ANGEL2: variants seen among roughly 807,000 people sequenced by gnomAD.
The protein encoded by ANGEL2 is angel homolog 2, also known as RNA 2',3'-cyclic phosphatase ANGEL2.
A neutral mutation model predicts 66.0 loss-of-function variants in ANGEL2; 41 were observed. That is an observed-to-expected ratio of 0.62 (90% CI 0.48 to 0.81). The LOEUF is 0.81. Among genes scored for constraint, ANGEL2 ranks in the 30% least tolerant of loss-of-function variants. The pLI, the probability that ANGEL2 is intolerant of heterozygous loss-of-function variation, is 0.00. For missense variants in ANGEL2, 561 were observed against 641.6 expected (o/e 0.87, Z 1.36); for synonymous variants, 208 against 226.5 (o/e 0.92, Z 0.73).
At chr1:213,002,556 G>T (rs2076205403) in intron 5 of ANGEL2, among the ~76,000 whole-genome samples, 1 of 152,180 alleles carries the variant, frequency 6.6e-6, no homozygotes, top group Non-Finnish European at 1.5e-5. Context: ...ACCAGGCACT[G>T]ACTTCTTCTT....
At chr1:213,008,851 G>A (rs144343236) in intron 2 of ANGEL2, among the ~76,000 whole-genome samples, 1 of 152,296 alleles carries the variant, frequency 6.6e-6, no homozygotes, top group East Asian at 1.9e-4. Context: ...TGTCAAAGTT[G>A]GCTTTTCAAT....
Position 213,005,131 on chromosome 1 carries a change from T to C in ANGEL2, c.1036A>G (p.Ile346Val), listed in dbSNP as rs200576994. Residue 346 changes from isoleucine (I) to valine (V), a missense_variant, in exon 5 of 9, where the codon ATT becomes GTT. By Grantham distance (29) the Ile-to-Val change is conservative. Coordinates refer to ENST00000366962, the MANE Select transcript of ANGEL2 (RefSeq NM_144567.5). ...GAATTAAAGTCACCACACATAACAA[T>C]AGGGCAGAAGCTGCCATCTTTCTGG... The part of the protein sequence containing the change: ...AHQKDGSFCP[I>V]VMCGDFNSVP... The C allele has an allele frequency of 8.4e-5, 136 of 1,614,086 alleles. 1 individual carries two copies. Among genetic ancestry groups the C allele is most frequent in the Middle Eastern group, 3.3e-4 (2 of 6,062 alleles).
In ANGEL2 at chr1:213,013,149, C is replaced by T; in HGVS notation, c.329G>A (p.Ser110Asn). 1.9e-6 allele frequency: 3 copies of T among 1,614,142 alleles called. No individual in the cohort carries two copies. The highest frequency in any genetic ancestry group is 2.5e-6 in the Non-Finnish European group (3 of 1,180,010). The change falls in exon 2 of 9, where the codon AGT (serine) becomes AAT (asparagine). Residue 110 changes from serine (S) to asparagine (N), a missense_variant. Ser to Asn is a conservative substitution (Grantham distance 46). Coordinates refer to ENST00000366962, the MANE Select transcript of ANGEL2 (RefSeq NM_144567.5). Reference protein sequence around the residue: ...LSQTSLIHLSSYVMNAEGDEP... With the variant: ...LSQTSLIHLSNYVMNAEGDEP... ...ATCTCCCTCAGCGTTCATGACGTAA[C>T]TAGAGAGATGAATCAAAGATGTCTG...
Position 212,993,719 on chromosome 1 carries a change from T to A in ANGEL2, c.*1322A>T, listed in dbSNP as rs185611491. 3.3e-5 allele frequency: 5 copies of A among 152,324 alleles called. No homozygotes were observed. Among genetic ancestry groups the A allele is most frequent in the Admixed American group, 3.3e-4 (5 of 15,298 alleles). 9.4% of individuals were successfully genotyped at this position (152,324 alleles called of 1,614,324 possible). ...CATAGAAAGTGTCAGCACCATCTCA[T>A]ACTGGTGCATCACGGTAAAAGAAAA... On this transcript the variant is annotated 3_prime_UTR_variant, in exon 9 of 9. Transcript: ENST00000366962.
chr1:213,011,262 G>A (rs2076501528), intron 2 of ANGEL2: 1 of 1,288,856 alleles, frequency 7.8e-7, no homozygotes, highest in Non-Finnish European at 1.0e-6. Context: ...ATGAATCAAA[G>A]AAAGTAAGCA....
At chr1:212,999,469 T>A (rs1004655834) in intron 7 of ANGEL2, among the ~76,000 whole-genome samples, 49 of 152,298 alleles carry the variant, frequency 3.2e-4, no homozygotes, top group Middle Eastern at 3.4e-3. Context: ...ATTTAAAAAA[T>A]TTTTTTAAAA....
chr1:213,015,863 T>A lies in ANGEL2; in HGVS notation c.-192A>T. ...CTCCATCTTGCGCAGTCAGAGTCCCTGAATGCCTTAACCCGGAATTCTGCT... is the reference window on the plus strand; with the variant it reads ...CTCCATCTTGCGCAGTCAGAGTCCCAGAATGCCTTAACCCGGAATTCTGCT... On this transcript the variant is annotated 5_prime_UTR_variant, in exon 1 of 9. Coordinates refer to ENST00000366962, the MANE Select transcript of ANGEL2 (RefSeq NM_144567.5). 1 of 653,602 alleles carries A rather than the reference T, an allele frequency of 1.5e-6. No individual in the cohort carries two copies. The highest frequency in any genetic ancestry group is 2.6e-6 in the Non-Finnish European group (1 of 387,618). The allele number at this position is 653,602 out of a possible 1,614,324, so 40.5% of individuals were successfully genotyped here.
intron 1 of ANGEL2, 170 bp downstream of exon 1, chr1:213,015,443 C>T (rs1258336514): frequency 1.1e-5 from 16 of 1,427,128 alleles, no homozygotes; most frequent in African/African-American, 1.4e-5. Flanking sequence ...GTTTACCTAT[C>T]CCGCTTGGTC....
Position 213,000,840 on chromosome 1 carries a change from T to C in ANGEL2, c.1207A>G (p.Ile403Val), listed in dbSNP as rs1558174166. The change falls in exon 6 of 9, where the codon ATC (isoleucine) becomes GTC (valine). Residue 403 changes from isoleucine to valine, a missense_variant. By Grantham distance (29) the Ile-to-Val change is conservative (BLOSUM62 3). Transcript: ENST00000366962. ...ACCTCATACACACAGTTCTGTGAGATACCTAGGTTTGGGGGCCAAATTGGA... is the reference window on the plus strand; with the variant it reads ...ACCTCATACACACAGTTCTGTGAGACACCTAGGTTTGGGGGCCAAATTGGA... ...SIPIWPPNLG[I>V]SQNCVYEVQQ... The C allele has an allele frequency of 1.9e-6, 3 of 1,613,008 alleles. No homozygotes were observed. Among genetic ancestry groups the C allele is most frequent in the South Asian group, 2.2e-5 (2 of 90,836 alleles).
At chr1:213,014,983 A>C (rs993684635) in intron 1 of ANGEL2, among the ~76,000 whole-genome samples, 4 of 152,242 alleles carry the variant, frequency 2.6e-5, no homozygotes, top group Non-Finnish European at 5.9e-5. Flanking sequence ...CTCTGCAGAC[A>C]CTGCTTAGGG....
Position 212,997,252 on chromosome 1 carries a change from A to C in ANGEL2, c.1386T>G (p.Thr462=). The C allele has an allele frequency of 6.2e-7, 1 of 1,613,706 alleles. No individual in the cohort carries two copies. The highest frequency in any genetic ancestry group is 8.5e-7 in the Non-Finnish European group (1 of 1,179,618). ...SSVYSHYFPD[T]GIPEVTTCHS... ...GACAGGTGGTCACTTCTGGAATTCCAGTGTCAGGAAAGTAATGTGAATAAA... is the reference window on the plus strand; with the variant it reads ...GACAGGTGGTCACTTCTGGAATTCCCGTGTCAGGAAAGTAATGTGAATAAA... The change falls in exon 8 of 9, where the codon ACT becomes ACG. Residue 462 remains threonine (T), a synonymous_variant. Transcript: ENST00000366962.
rs1429243376 is a variant in ANGEL2 at position 212,992,925 on chromosome 1, A to G, written c.*2116T>C. 6.6e-6 allele frequency: 1 copy of G among 152,212 alleles called. No individual in the cohort carries two copies. Among genetic ancestry groups the G allele is most frequent in the Non-Finnish European group, 1.5e-5 (1 of 68,042 alleles). The allele number at this position is 152,212 out of a possible 1,614,324, so 9.4% of individuals were successfully genotyped here. A position where few individuals can be genotyped will look rare whatever the true frequency, so the allele number is the denominator to read the frequency against. On this transcript the variant is annotated 3_prime_UTR_variant, in exon 9 of 9. Coordinates refer to ENST00000366962, the MANE Select transcript of ANGEL2 (RefSeq NM_144567.5). Reference sequence around the variant, plus strand: ...CTATCATTATAATTTGATAATGTCTATATCTGCTAATTAGGGCACATAATA... The same window carrying G: ...CTATCATTATAATTTGATAATGTCTGTATCTGCTAATTAGGGCACATAATA...
Position 212,999,369 on chromosome 1 carries a change from G to C in ANGEL2, c.1319+957C>G. On this transcript the variant is annotated intron_variant, in intron 7 of 8. Transcript: ENST00000366962. Reference sequence around the variant, plus strand: ...AAAAGATTTAAGAGTTACTCAAAACGAAGTACTTGTTAGATTAGCCTCCTT... The same window carrying C: ...AAAAGATTTAAGAGTTACTCAAAACCAAGTACTTGTTAGATTAGCCTCCTT... Among the ~76,000 whole-genome samples the C allele has an allele frequency of 2.6e-5, 4 of 152,206 alleles. No individual in the cohort carries two copies. The Middle Eastern group carries it at 0.014, about 518-fold the overall frequency.
chr1:213,006,337 G>A (rs540252827), intron 4 of ANGEL2, among the ~76,000 whole-genome samples: 4 of 152,072 alleles, frequency 2.6e-5, no homozygotes, highest in South Asian at 2.1e-4. Context: ...AGTGACGGAC[G>A]CCTGTAGTCC....
intron 2 of ANGEL2, 54 bp from the exon 3 acceptor site, chr1:213,008,520 G>C: frequency 1.9e-6 from 3 of 1,554,738 alleles, no homozygotes; most frequent in Non-Finnish European, 2.6e-6. Context: ...AGACCATACA[G>C]TTTCCCACAT....
intron 2 of ANGEL2, among the ~76,000 whole-genome samples, chr1:213,012,007 A>AT (rs2148178675): frequency 6.6e-6 from 1 of 152,236 alleles, no homozygotes; most frequent in Admixed American, 6.5e-5. Context: ...ACACAAACAG[A>AT]TTTTCACTTT....
intron 8 of ANGEL2, among the ~76,000 whole-genome samples, chr1:212,996,771 C>G (rs2076036725): frequency 6.7e-6 from 1 of 150,028 alleles, no homozygotes; most frequent in Non-Finnish European, 1.5e-5. Flanking sequence ...AGGCAGGACG[C>G]CTCGGTAAAA....
chr1:213,007,948 C>T lies in ANGEL2; in HGVS notation c.642+262G>A, dbSNP rs140324329. On this transcript the variant is annotated intron_variant, in intron 3 of 8. Transcript: ENST00000366962. ...GTGCAATCTCAGCTCACTGCAACAT[C>T]GACCTCCCAGGTTCAAGTGATTCTC... Among the ~76,000 whole-genome samples, 546 of 151,610 alleles carry T rather than the reference C, an allele frequency of 3.6e-3. 4 individuals carry two copies. The highest frequency in any genetic ancestry group is 0.013 in the African/African-American group (527 of 41,300).
At chr1:213,014,566 G>GC (rs1558195344) in intron 1 of ANGEL2, among the ~76,000 whole-genome samples, 2 of 152,186 alleles carry the variant, frequency 1.3e-5, no homozygotes, top group Non-Finnish European at 2.9e-5. Flanking sequence ...ATGCTAATAA[G>GC]CCACTGTATT....
Sources: gnomAD v4.1 joint callset for allele counts (sites outside exome capture counted in the v4.1 genomes callset) on GRCh38, gnomAD v4.1.1 for gene constraint, MANE v1.5 for transcripts, NCBI Gene and HGNC (gene_info 2026-07-23, HGNC 2026-07-21) for gene names.